The following CNTN6 variants were observed in gnomAD, a reference collection of about 807,000 sequenced individuals.
CNTN6 encodes contactin 6.
A neutral mutation model predicts 122.8 loss-of-function variants in CNTN6; 137 were observed. That is an observed-to-expected ratio of 1.12 (90% CI 0.97 to 1.29). CNTN6 has a LOEUF of 1.29. Ranked by LOEUF, CNTN6 falls within the 50% of genes most tolerant of loss-of-function variation. The pLI, the probability that CNTN6 is intolerant of heterozygous loss-of-function variation, is 0.00. For missense variants in CNTN6, 1,634 were observed against 1,223.4 expected, an observed-to-expected ratio of 1.34 and a Z score of -5.01; for synonymous variants, 570 against 426.0, an observed-to-expected ratio of 1.34 and a Z score of -4.16.
At chr3:1,386,913 C>T (rs148578727) in intron 20 of CNTN6, among the ~76,000 whole-genome samples, 35 of 152,176 alleles carry the variant, frequency 2.3e-4, no homozygotes, top group Middle Eastern at 3.4e-3. Context: ...CGTATATATG[C>T]GTATATTTGT....
chr3:1,239,211 T>TA lies in CNTN6; in HGVS notation c.358+11224dup, dbSNP rs564700454. Among the ~76,000 whole-genome samples the TA allele has an allele frequency of 5.3e-5, 8 of 152,178 alleles. No homozygotes were observed. The East Asian group carries it at 1.5e-3, about 29-fold the overall frequency. On this transcript the variant is annotated intron_variant, in intron 4 of 22. Transcript: ENST00000446702. Reference sequence around the variant, plus strand: ...AAGAAATAAAGCGTGTCCAAATTGATAAAAAAGAAGTCAAACTGTCTCTGT... The same window carrying TA: ...AAGAAATAAAGCGTGTCCAAATTGATAAAAAAAGAAGTCAAACTGTCTCTGT...
chr3:1,224,733 C>T (rs925814814), intron 3 of CNTN6, among the ~76,000 whole-genome samples: 2 of 151,808 alleles, frequency 1.3e-5, no homozygotes, highest in African/African-American at 4.8e-5. Context: ...AAACACAGCC[C>T]ACAACCATTA....
chr3:1,283,263 T>G (rs577304109), intron 5 of CNTN6, among the ~76,000 whole-genome samples: 1 of 152,102 alleles, frequency 6.6e-6, no homozygotes, highest in Admixed American at 6.5e-5. Context: ...CCCACAAAAC[T>G]TATTTAGTAT....
intron 7 of CNTN6, among the ~76,000 whole-genome samples, chr3:1,311,576 CATAT>C (rs1409812426): frequency 6.8e-6 from 1 of 147,530 alleles, no homozygotes; most frequent in Non-Finnish European, 1.5e-5. Flanking sequence ...TTTATATACA[CATAT>C]ATGTATATAT....
intron 2 of CNTN6, among the ~76,000 whole-genome samples, chr3:1,149,408 T>A (rs1217935910): frequency 6.6e-6 from 1 of 152,054 alleles, no homozygotes. Context: ...GGAATAAACA[T>A]AATTTAAAAG....
chr3:1,242,888 TCAATACCCACAACAGTTATGGAGG>T (rs2094505278), intron 4 of CNTN6, among the ~76,000 whole-genome samples: 2 of 145,512 alleles, frequency 1.4e-5, no homozygotes, highest in Non-Finnish European at 3.0e-5. Flanking sequence ...AGCCTGGCCG[TCAATACCCACAACAGTTATGGAGG>T]CAAGGGAAAC....
At chr3:1,172,420 TA>T (rs1303309835) in intron 2 of CNTN6, among the ~76,000 whole-genome samples, 2 of 152,220 alleles carry the variant, frequency 1.3e-5, no homozygotes, top group African/African-American at 2.4e-5. Context: ...GCCTCTGCAC[TA>T]AGTACCTATA....
intron 2 of CNTN6, among the ~76,000 whole-genome samples, chr3:1,189,448 C>G (rs2093671094): frequency 6.6e-6 from 1 of 152,136 alleles, no homozygotes; most frequent in Non-Finnish European, 1.5e-5. Flanking sequence ...TTGGAATTTG[C>G]AGAAGTTGAT....
At chr3:1,130,866 T>C (rs1184203853) in intron 1 of CNTN6, among the ~76,000 whole-genome samples, 1 of 152,164 alleles carries the variant, frequency 6.6e-6, no homozygotes, top group Admixed American at 6.6e-5. Flanking sequence ...CTATTAGAAA[T>C]GGAATTCAAC....
chr3:1,276,898 C>G (rs1295033015), intron 4 of CNTN6, among the ~76,000 whole-genome samples: 7 of 152,180 alleles, frequency 4.6e-5, no homozygotes, highest in Non-Finnish European at 1.0e-4. Flanking sequence ...AATGGTGGCT[C>G]TTTTGCATTC....
intron 4 of CNTN6, among the ~76,000 whole-genome samples, chr3:1,265,044 CTTTTTTTTTT>C (rs201949693): frequency 1.2e-4 from 12 of 100,778 alleles, no homozygotes; most frequent in Non-Finnish European, 1.5e-4. Flanking sequence ...ACCGAATTTC[CTTTTTTTTTT>C]TTTTTTTTTG....
intron 5 of CNTN6, among the ~76,000 whole-genome samples, chr3:1,286,189 A>G (rs1337406929): frequency 1.3e-5 from 2 of 152,178 alleles, no homozygotes; most frequent in East Asian, 1.9e-4. Context: ...ATAGGAAGTA[A>G]TTCTTTTTTT....
intron 4 of CNTN6, among the ~76,000 whole-genome samples, chr3:1,253,325 A>T (rs959505291): frequency 3.3e-5 from 5 of 152,214 alleles, no homozygotes; most frequent in Non-Finnish European, 5.9e-5. Context: ...TGTTCTGCGA[A>T]AATTTGAGAT....
rs192616142 is a variant in CNTN6, at chr3:1,122,735, T to C, written c.-82-25192T>C. Among the ~76,000 whole-genome samples, 287 of 151,994 alleles carry C rather than the reference T, an allele frequency of 1.9e-3. 4 individuals carry two copies. The highest frequency in any genetic ancestry group is 1.2e-3 in the Non-Finnish European group (83 of 67,890). On this transcript the variant is annotated intron_variant, in intron 1 of 22. Transcript: ENST00000446702. ...TTTGTGTCCAGCTTCTTTCACTTAGTATAATATTTTCAAGGTTTATCTACG... is the reference window on the plus strand; with the variant it reads ...TTTGTGTCCAGCTTCTTTCACTTAGCATAATATTTTCAAGGTTTATCTACG...
chr3:1,388,396 C>A (rs1337781757), intron 20 of CNTN6, among the ~76,000 whole-genome samples: 4 of 150,324 alleles, frequency 2.7e-5, no homozygotes, highest in African/African-American at 9.8e-5. Context: ...GACATCCACA[C>A]CAAAAACCCA....
chr3:1,233,770 T>C (rs1432281439), intron 4 of CNTN6, among the ~76,000 whole-genome samples: 1 of 132,108 alleles, frequency 7.6e-6, no homozygotes, highest in Non-Finnish European at 1.6e-5. Context: ...TAGTTTGAAA[T>C]ACCACATACT....
chr3:1,267,700 GATAAA>G (rs780743655), intron 4 of CNTN6, among the ~76,000 whole-genome samples: 104 of 152,266 alleles, frequency 6.8e-4, no homozygotes, highest in Non-Finnish European at 1.1e-3. Context: ...CTTTGGGAAA[GATAAA>G]ATAATATTTA....
At position 1,154,448 on chromosome 3, in the gene CNTN6, C is replaced by CTTTT. The variant is rs771133835; in HGVS notation, c.55+6394_55+6397dup. On this transcript the variant is annotated intron_variant, in intron 2 of 22. Coordinates refer to ENST00000446702, the MANE Select transcript of CNTN6 (RefSeq NM_001289080.2). ...ATAATATTTTTCTTTTCTTTTCTTT[C>CTTTT]TTTTTTTTTTTTGAGGTGGAGTTTT... Among the ~76,000 whole-genome samples, 14 of 140,478 alleles carry CTTTT rather than the reference C, an allele frequency of 1.0e-4. 1 individual carries two copies. Among genetic ancestry groups the CTTTT allele is most frequent in the African/African-American group, 2.8e-4 (10 of 36,268 alleles). 92.2% of individuals were successfully genotyped at this position (140,478 alleles called of 152,430 possible). A position where few individuals can be genotyped will look rare whatever the true frequency, so the allele number is the denominator to read the frequency against.
intron 7 of CNTN6, among the ~76,000 whole-genome samples, chr3:1,318,754 A>T (rs185231680): frequency 1.3e-5 from 2 of 151,850 alleles, no homozygotes; most frequent in Admixed American, 1.3e-4. Context: ...CCAGTCATTT[A>T]TTGGTTAATG....
Sources: gnomAD v4.1 joint callset for allele counts (sites outside exome capture counted in the v4.1 genomes callset) on GRCh38, gnomAD v4.1.1 for gene constraint, MANE v1.5 for transcripts, NCBI Gene and HGNC (gene_info 2026-07-23, HGNC 2026-07-21) for gene names.